NIPBL: variants seen among roughly 807,000 people sequenced by gnomAD.
NIPBL encodes the protein nipped-B-like protein.
NIPBL carries 19 observed loss-of-function variants against 321.8 expected under a neutral mutation model. That is an observed-to-expected ratio of 0.06 (90% CI 0.04 to 0.09). NIPBL has a LOEUF of 0.09. Among genes scored for constraint, NIPBL ranks in the 10% least tolerant of loss-of-function variants. The pLI is 1.00. For synonymous variants in NIPBL, 1,106 were observed against 1,114.1 expected (o/e 0.99, Z 0.14); for missense variants, 2,210 against 3,327.0 (o/e 0.66, Z 8.26).
intron 1 of NIPBL, among the ~76,000 whole-genome samples, chr5:36,921,714 C>A (rs377394504): frequency 1.4e-3 from 214 of 152,114 alleles, no homozygotes; most frequent in African/African-American, 5.0e-3. Flanking sequence ...ATGAAAATAC[C>A]AGCTTTCCAA....
At chr5:36,971,057 A>G in intron 7 of NIPBL, 21 bp downstream of exon 7, 1 of 1,588,256 alleles carries the variant, frequency 6.3e-7, no homozygotes, top group Non-Finnish European at 8.6e-7. Flanking sequence ...TATTATCATT[A>G]AGGTGATAAA....
At chr5:37,019,961 A>C (rs1243972410) in intron 25 of NIPBL, among the ~76,000 whole-genome samples, 1 of 152,142 alleles carries the variant, frequency 6.6e-6, no homozygotes, top group Non-Finnish European at 1.5e-5. Context: ...TCAGCCAAAT[A>C]CTGTAGGTTT....
At chr5:36,908,677 CT>C (rs1388856715) in intron 1 of NIPBL, among the ~76,000 whole-genome samples, 1 of 152,154 alleles carries the variant, frequency 6.6e-6, no homozygotes, top group African/African-American at 2.4e-5. Context: ...TCAGTTTCTT[CT>C]CTTCAGTGTC....
chr5:36,885,780 G>T (rs146153773), intron 1 of NIPBL: 2 of 625,468 alleles, frequency 3.2e-6, no homozygotes, highest in African/African-American at 1.8e-5. Flanking sequence ...GATGACACCA[G>T]TGTCACTTGG....
chr5:36,999,724 T>C (rs1261168014), intron 11 of NIPBL, among the ~76,000 whole-genome samples: 1 of 152,182 alleles, frequency 6.6e-6, no homozygotes, highest in Non-Finnish European at 1.5e-5. Flanking sequence ...GTGCATAAGC[T>C]TAGAAACTTT....
At chr5:36,952,053 T>TGTGTGCGTGTGCGC (rs778597604) in intron 1 of NIPBL, among the ~76,000 whole-genome samples, 2 of 112,114 alleles carry the variant, frequency 1.8e-5, no homozygotes, top group South Asian at 3.8e-4. Context: ...TGTGTGTGTG[T>TGTGTGCGTGTGCGC]GCGCGCGCGC....
At chr5:36,905,156 A>G (rs902093947) in intron 1 of NIPBL, among the ~76,000 whole-genome samples, 1 of 152,230 alleles carries the variant, frequency 6.6e-6, no homozygotes, top group Non-Finnish European at 1.5e-5. Flanking sequence ...AAAAAAAATT[A>G]GTCAAGAACA....
intron 1 of NIPBL, among the ~76,000 whole-genome samples, chr5:36,920,094 TATGA>T (rs1748812215): frequency 6.6e-6 from 1 of 152,178 alleles, no homozygotes; most frequent in Non-Finnish European, 1.5e-5. Context: ...TGTAAGGTGA[TATGA>T]ATATCAGAGA....
At chr5:36,880,795 A>G (rs1745445679) in intron 1 of NIPBL, among the ~76,000 whole-genome samples, 2 of 152,034 alleles carry the variant, frequency 1.3e-5, no homozygotes, top group African/African-American at 4.8e-5. Context: ...TCCTTTTTCA[A>G]GGTGACCTGA....
intron 1 of NIPBL, among the ~76,000 whole-genome samples, chr5:36,901,513 T>C (rs1041952975): frequency 2.6e-4 from 37 of 140,278 alleles, no homozygotes; most frequent in Non-Finnish European, 5.3e-4. Context: ...TTTTTTTTTT[T>C]TTTTTTTTTT....
At chr5:36,915,202 T>C (rs1748367556) in intron 1 of NIPBL, among the ~76,000 whole-genome samples, 1 of 152,096 alleles carries the variant, frequency 6.6e-6, no homozygotes, top group Non-Finnish European at 1.5e-5. Context: ...TTGAAATGTC[T>C]ACATATAATA....
chr5:37,016,383 A>G (rs1748997460), intron 23 of NIPBL, among the ~76,000 whole-genome samples: 1 of 152,220 alleles, frequency 6.6e-6, no homozygotes, highest in Non-Finnish European at 1.5e-5. Flanking sequence ...TTCATTACAT[A>G]AGATAACAGT....
chr5:36,979,442 A>AT (rs1284942466), intron 9 of NIPBL, among the ~76,000 whole-genome samples: 5 of 151,898 alleles, frequency 3.3e-5, no homozygotes, highest in African/African-American at 1.2e-4. Flanking sequence ...ATTATTTTGT[A>AT]TCCTAAAGCT....
At chr5:36,986,475 AT>A (rs915917630) in intron 10 of NIPBL, among the ~76,000 whole-genome samples, 174 bp downstream of exon 10, 5 of 151,708 alleles carry the variant, frequency 3.3e-5, no homozygotes, top group African/African-American at 7.3e-5. Flanking sequence ...TTTCCAGTGA[AT>A]TTTTTTTTCC....
chr5:36,938,551 TA>T (rs1429221245), intron 1 of NIPBL, among the ~76,000 whole-genome samples: 7 of 152,224 alleles, frequency 4.6e-5, no homozygotes, highest in African/African-American at 1.7e-4. Flanking sequence ...TAAAAACATT[TA>T]AAACCTTAAG....
chr5:37,064,461 A>C (rs1755187303), intron 46 of NIPBL, 66 bp from the exon 47 acceptor site: 2 of 1,599,888 alleles, frequency 1.3e-6, no homozygotes, highest in East Asian at 4.5e-5. Context: ...AGCAATAAAA[A>C]CAATAATTTC....
chr5:37,065,081 C>G lies in NIPBL; in HGVS notation c.*189C>G. On this transcript the variant is annotated 3_prime_UTR_variant, in exon 47 of 47. Transcript: ENST00000282516. The stretch of plus-strand genomic sequence containing the variant: ...TCCCTTCGCTGTTGTGCAGCAGAAA[C>G]AGATTCTCAGTTCATTTTTACTCCC... 1.5e-6 allele frequency: 1 copy of G among 646,348 alleles called. No individual in the cohort carries two copies. 40.0% of individuals were successfully genotyped at this position (646,348 alleles called of 1,614,324 possible). A position where few individuals can be genotyped will look rare whatever the true frequency, so the allele number is the denominator to read the frequency against.
chr5:36,913,097 T>C (rs1214213094), intron 1 of NIPBL, among the ~76,000 whole-genome samples: 1 of 152,226 alleles, frequency 6.6e-6, no homozygotes, highest in Non-Finnish European at 1.5e-5. Context: ...CCTGATTTGA[T>C]TGATTGATTC....
At chr5:37,046,425 C>T (rs1300251035) in intron 38 of NIPBL, among the ~76,000 whole-genome samples, 1 of 152,202 alleles carries the variant, frequency 6.6e-6, no homozygotes, top group Non-Finnish European at 1.5e-5. Context: ...TCATCAGTTT[C>T]TTCATTAGTA....
Sources: allele counts gnomAD v4.1 joint callset (sites outside exome capture counted in the v4.1 genomes callset), GRCh38; gene constraint gnomAD v4.1.1; transcripts MANE v1.5; gene names NCBI Gene and HGNC (gene_info 2026-07-23, HGNC 2026-07-21).